JAM2: variants seen among roughly 807,000 people sequenced by gnomAD.
JAM2 encodes the protein junctional adhesion molecule B.
A neutral mutation model predicts 42.0 loss-of-function variants in JAM2; 17 were observed. The ratio of observed to expected loss-of-function variants is 0.40; its 90% CI spans 0.28 to 0.61. JAM2 has a LOEUF of 0.61. JAM2 is among the 20% of genes least tolerant of loss of function. The pLI, the probability that JAM2 is intolerant of heterozygous loss-of-function variation, is 0.37. For missense variants in JAM2, 319 were observed against 358.3 expected, an observed-to-expected ratio of 0.89 and a Z score of 0.89; for synonymous variants, 118 against 128.6, an observed-to-expected ratio of 0.92 and a Z score of 0.56.
chr21:25,662,765 A>T (rs1275131652), intron 1 of JAM2, among the ~76,000 whole-genome samples: 1 of 152,232 alleles, frequency 6.6e-6, no homozygotes, highest in Non-Finnish European at 1.5e-5. Flanking sequence ...AAAATACAGT[A>T]CAAGAAGTTT....
At chr21:25,695,230 G>T (rs932953423) in intron 4 of JAM2, among the ~76,000 whole-genome samples, 59 of 152,276 alleles carry the variant, frequency 3.9e-4, no homozygotes, top group Non-Finnish European at 5.7e-4. Flanking sequence ...AGCACATCTT[G>T]CACCGCCCTT....
intron 1 of JAM2, among the ~76,000 whole-genome samples, chr21:25,654,963 G>A (rs1364680219): frequency 6.6e-6 from 1 of 152,196 alleles, no homozygotes; most frequent in African/African-American, 2.4e-5. Flanking sequence ...AAAGGCCTAA[G>A]AAGCAAATGT....
chr21:25,665,501 G>C (rs2033195000), intron 1 of JAM2, among the ~76,000 whole-genome samples: 1 of 152,176 alleles, frequency 6.6e-6, no homozygotes, highest in African/African-American at 2.4e-5. Flanking sequence ...ATGTGTGTAT[G>C]TGTGTGCATG....
At chr21:25,712,451 T>C (rs1188706266) in intron 9 of JAM2, 69 bp downstream of exon 9, 2 of 1,098,606 alleles carry the variant, frequency 1.8e-6, no homozygotes, top group East Asian at 4.8e-5. Context: ...ATGAAGTAAT[T>C]ATATGGACTT....
chr21:25,687,160 T>C (rs2033769080), intron 2 of JAM2, among the ~76,000 whole-genome samples: 2 of 152,168 alleles, frequency 1.3e-5, no homozygotes, highest in South Asian at 4.1e-4. Flanking sequence ...CTTGCAACTA[T>C]AACTAAGAGA....
intron 1 of JAM2, among the ~76,000 whole-genome samples, chr21:25,645,176 T>C (rs2032571683): frequency 6.6e-6 from 1 of 152,220 alleles, no homozygotes. Flanking sequence ...CCACCGCGCC[T>C]GGCCTAAAGC....
chr21:25,685,301 A>T (rs1336939512), intron 2 of JAM2, among the ~76,000 whole-genome samples: 1 of 151,824 alleles, frequency 6.6e-6, no homozygotes, highest in Non-Finnish European at 1.5e-5. Flanking sequence ...GTAATCTCAA[A>T]CTCCTGAGGC....
At chr21:25,696,421 A>C (rs535003684) in intron 4 of JAM2, among the ~76,000 whole-genome samples, 1 of 152,154 alleles carries the variant, frequency 6.6e-6, no homozygotes, top group African/African-American at 2.4e-5. Flanking sequence ...GAGGAGGGGG[A>C]GAGGGAGAGG....
intron 4 of JAM2, among the ~76,000 whole-genome samples, chr21:25,695,442 C>T (rs1247243006): frequency 1.3e-5 from 2 of 152,216 alleles, no homozygotes; most frequent in South Asian, 2.1e-4. Flanking sequence ...CTTTTCTATT[C>T]GACAAAACCG....
chr21:25,656,111 T>C (rs565992121), intron 1 of JAM2, among the ~76,000 whole-genome samples: 44 of 152,108 alleles, frequency 2.9e-4, no homozygotes, highest in African/African-American at 1.0e-3. Context: ...AATATTTTAT[T>C]CCCTAAAATG....
intron 3 of JAM2, among the ~76,000 whole-genome samples, chr21:25,691,670 G>A (rs1281789715): frequency 2.0e-5 from 3 of 152,114 alleles, no homozygotes; most frequent in Non-Finnish European, 4.4e-5. Context: ...GTTTTCTGAA[G>A]ACATGAATAT....
At chr21:25,668,901 A>G (rs1405066433) in intron 1 of JAM2, among the ~76,000 whole-genome samples, 2 of 152,170 alleles carry the variant, frequency 1.3e-5, no homozygotes, top group Non-Finnish European at 2.9e-5. Context: ...GAAGGGTGTG[A>G]TGGATTGTGT....
chr21:25,688,309 CAT>C (rs144812111), intron 2 of JAM2, among the ~76,000 whole-genome samples: 19,311 of 151,412 alleles, frequency 0.13, 1,443 homozygotes, highest in South Asian at 0.25. Context: ...CGCACACACA[CAT>C]GCGTATCTAA....
chr21:25,655,870 G>T (rs1479222701), intron 1 of JAM2, among the ~76,000 whole-genome samples: 4 of 150,548 alleles, frequency 2.7e-5, no homozygotes, highest in Non-Finnish European at 5.9e-5. Context: ...TGTTTGAATA[G>T]TCCCTTTTAA....
intron 1 of JAM2, among the ~76,000 whole-genome samples, chr21:25,667,670 G>C (rs1180636815): frequency 6.6e-6 from 1 of 152,092 alleles, no homozygotes; most frequent in Admixed American, 6.5e-5. Flanking sequence ...TCATGAATTA[G>C]GGGGGACTAG....
intron 5 of JAM2, among the ~76,000 whole-genome samples, chr21:25,700,575 G>A (rs2034145014): frequency 6.6e-6 from 1 of 152,156 alleles, no homozygotes; most frequent in South Asian, 2.1e-4. Flanking sequence ...TGGCCAGGCT[G>A]GTCTTGAACT....
At chr21:25,673,710 A>G (rs952320529) in intron 1 of JAM2, among the ~76,000 whole-genome samples, 5 of 152,184 alleles carry the variant, frequency 3.3e-5, no homozygotes, top group African/African-American at 7.2e-5. Context: ...GACTAAGCAG[A>G]TGGACATCTT....
At chr21:25,696,714 C>T (rs1221678321) in intron 4 of JAM2, among the ~76,000 whole-genome samples, 2 of 152,028 alleles carry the variant, frequency 1.3e-5, no homozygotes, top group East Asian at 3.8e-4. Flanking sequence ...TTGGTGTTGC[C>T]AGATTTTGGT....
At position 25,714,594 on chromosome 21, in the gene JAM2, A is replaced by C. The variant is rs1419650679; in HGVS notation, c.865-46A>C. ...TATTCATAAGATTTATGTTTCTTTA[A>C]ATATGAATTCATATATTTAAACCTG... On this transcript the variant is annotated intron_variant, in intron 9 of 9. Coordinates refer to ENST00000480456, the MANE Select transcript of JAM2 (RefSeq NM_021219.4). 2.7e-6 allele frequency: 3 copies of C among 1,125,874 alleles called. No individual in the cohort carries two copies. In the East Asian group the frequency reaches 7.6e-5, roughly 29 times the overall value. The allele number at this position is 1,125,874 out of a possible 1,614,324, so 69.7% of individuals were successfully genotyped here.
Sources: allele counts gnomAD v4.1 joint callset (sites outside exome capture counted in the v4.1 genomes callset), GRCh38; gene constraint gnomAD v4.1.1; transcripts MANE v1.5; gene names NCBI Gene and HGNC (gene_info 2026-07-23, HGNC 2026-07-21).